CDH12: variants seen among roughly 807,000 people sequenced by gnomAD.
The protein encoded by CDH12 is cadherin-12.
CDH12 carries 41 observed loss-of-function variants against 74.1 expected under a neutral mutation model. The observed-to-expected ratio is 0.55, with a 90% confidence interval of 0.43 to 0.72. CDH12 has a LOEUF of 0.72. Among genes scored for constraint, CDH12 ranks in the 30% least tolerant of loss-of-function variants. The pLI, the probability that CDH12 is intolerant of heterozygous loss-of-function variation, is 0.00. For missense variants in CDH12, 945 were observed against 977.2 expected (o/e 0.97, Z 0.44); for synonymous variants, 399 against 355.0 (o/e 1.12, Z -1.39).
In CDH12 at chr5:22,306,018, C is replaced by T. The variant is rs532787370; in HGVS notation, c.-332-93375G>A. Among the ~76,000 whole-genome samples, 6 of 152,238 alleles carry T rather than the reference C, an allele frequency of 3.9e-5. No homozygotes were observed. In the East Asian group the frequency reaches 9.7e-4, roughly 25 times the overall value. On this transcript the variant is annotated intron_variant, in intron 3 of 14. Coordinates refer to ENST00000382254, the MANE Select transcript of CDH12 (RefSeq NM_004061.5). ...TGACATTGACCAACCTCTTTAAACA[C>T]CTGCTCATCTACAAACTGACCAATT... is the stretch of plus-strand genomic sequence containing the variant.
intron 5 of CDH12, among the ~76,000 whole-genome samples, chr5:21,988,414 C>A (rs1441175717): frequency 6.8e-6 from 1 of 146,238 alleles, no homozygotes; most frequent in East Asian, 2.0e-4. Context: ...ATGGCGTGAA[C>A]CCAGGAGGCG....
intron 3 of CDH12, among the ~76,000 whole-genome samples, chr5:22,297,033 G>C (rs904411267): frequency 6.6e-6 from 1 of 151,468 alleles, no homozygotes; most frequent in African/African-American, 2.4e-5. Context: ...TGTTGTTGTT[G>C]GTTTTTGGAC....
chr5:22,021,378 G>C (rs1364403142), intron 5 of CDH12, among the ~76,000 whole-genome samples: 1 of 152,176 alleles, frequency 6.6e-6, no homozygotes, highest in Non-Finnish European at 1.5e-5. Flanking sequence ...GGATCTATCA[G>C]AGGAAGAAAT....
At chr5:22,370,105 T>C (rs1250767760) in intron 3 of CDH12, among the ~76,000 whole-genome samples, 2 of 152,178 alleles carry the variant, frequency 1.3e-5, no homozygotes, top group Non-Finnish European at 2.9e-5. Flanking sequence ...CTCAATATTT[T>C]ATCTTTGGTC....
At chr5:22,053,846 C>G (rs551805114) in intron 5 of CDH12, among the ~76,000 whole-genome samples, 1 of 152,052 alleles carries the variant, frequency 6.6e-6, no homozygotes, top group South Asian at 2.1e-4. Flanking sequence ...AAGCCTGTAC[C>G]AAAGCCATAT....
At chr5:21,960,621 T>G (rs540819502) in intron 6 of CDH12, among the ~76,000 whole-genome samples, 1 of 152,226 alleles carries the variant, frequency 6.6e-6, no homozygotes, top group Admixed American at 6.5e-5. Context: ...CTGTAAAAAG[T>G]CATCATTTCT....
At chr5:22,129,300 C>T (rs1252711293) in intron 4 of CDH12, among the ~76,000 whole-genome samples, 3 of 152,132 alleles carry the variant, frequency 2.0e-5, no homozygotes, top group Non-Finnish European at 2.9e-5. Context: ...GCTGAACCAA[C>T]CACATGGAAT....
intron 5 of CDH12, among the ~76,000 whole-genome samples, chr5:22,001,489 T>A (rs541307791): frequency 5.9e-5 from 9 of 152,268 alleles, no homozygotes; most frequent in South Asian, 2.1e-4. Flanking sequence ...AAAGTTTTTT[T>A]AATTATTTTA....
At chr5:22,631,146 T>G (rs141319555) in intron 1 of CDH12, among the ~76,000 whole-genome samples, 1 of 152,168 alleles carries the variant, frequency 6.6e-6, no homozygotes, top group South Asian at 2.1e-4. Context: ...CAGACGCTAT[T>G]GAGGTTTTAG....
At chr5:22,739,187 C>T (rs978968153) in intron 1 of CDH12, among the ~76,000 whole-genome samples, 3 of 151,810 alleles carry the variant, frequency 2.0e-5, no homozygotes, top group East Asian at 1.9e-4. Context: ...TTTTAAATCA[C>T]TTTCATAAAA....
At chr5:21,776,677 A>G (rs994733047) in intron 11 of CDH12, among the ~76,000 whole-genome samples, 1 of 152,152 alleles carries the variant, frequency 6.6e-6, no homozygotes, top group Non-Finnish European at 1.5e-5. Flanking sequence ...AGGGCACCAT[A>G]TTGAGAGTGC....
At chr5:22,307,128 A>G (rs1738148606) in intron 3 of CDH12, among the ~76,000 whole-genome samples, 1 of 152,172 alleles carries the variant, frequency 6.6e-6, no homozygotes, top group Admixed American at 6.5e-5. Flanking sequence ...CTCACAGCTC[A>G]CCTCAGATGA....
intron 3 of CDH12, among the ~76,000 whole-genome samples, chr5:22,367,779 A>C (rs971044339): frequency 6.6e-6 from 1 of 152,194 alleles, no homozygotes; most frequent in Non-Finnish European, 1.5e-5. Context: ...ACCCTAATAA[A>C]TGCTTGCAAG....
intron 5 of CDH12, among the ~76,000 whole-genome samples, chr5:22,044,220 CAA>C (rs907715499): frequency 3.3e-5 from 5 of 152,040 alleles, no homozygotes; most frequent in Admixed American, 6.6e-5. Context: ...TGGCAAAAAA[CAA>C]AACAAAACAA....
chr5:21,912,480 C>A (rs1403507665), intron 6 of CDH12, among the ~76,000 whole-genome samples: 1 of 152,080 alleles, frequency 6.6e-6, no homozygotes, highest in Non-Finnish European at 1.5e-5. Flanking sequence ...ATATCAAACT[C>A]CTTACACTTA....
intron 2 of CDH12, among the ~76,000 whole-genome samples, chr5:22,424,024 A>G (rs912396563): frequency 1.4e-5 from 2 of 147,972 alleles, no homozygotes; most frequent in Non-Finnish European, 3.0e-5. Context: ...AAAAAAAAAA[A>G]AAAGAAAAGA....
intron 6 of CDH12, among the ~76,000 whole-genome samples, chr5:21,884,981 G>T (rs1752552021): frequency 6.6e-6 from 1 of 152,064 alleles, no homozygotes; most frequent in African/African-American, 2.4e-5. Flanking sequence ...TGCCTCCCGG[G>T]TTCAAACGAT....
intron 1 of CDH12, among the ~76,000 whole-genome samples, chr5:22,715,567 G>A (rs1266555730): frequency 6.6e-6 from 1 of 152,040 alleles, no homozygotes; most frequent in Non-Finnish European, 1.5e-5. Context: ...ATATTTGGGA[G>A]GCCAAGGCGG....
At chr5:22,624,943 A>T (rs1481753456) in intron 1 of CDH12, among the ~76,000 whole-genome samples, 3 of 152,188 alleles carry the variant, frequency 2.0e-5, no homozygotes, top group Admixed American at 1.3e-4. Context: ...GGATTAAGAA[A>T]ATGTGGCACA....
Sources: gnomAD v4.1 joint callset for allele counts (sites outside exome capture counted in the v4.1 genomes callset) on GRCh38, gnomAD v4.1.1 for gene constraint, MANE v1.5 for transcripts, NCBI Gene and HGNC (gene_info 2026-07-23, HGNC 2026-07-21) for gene names.